The following EMILIN2 variants were observed in gnomAD, a reference collection of about 807,000 sequenced individuals.
EMILIN2 encodes the protein EMILIN-2.
A neutral mutation model predicts 87.1 loss-of-function variants in EMILIN2; 71 were observed. The ratio of observed to expected loss-of-function variants is 0.82; its 90% CI spans 0.67 to 0.99. The LOEUF is 0.99. EMILIN2 is among the 50% of genes least tolerant of loss of function. The pLI, the probability that EMILIN2 is intolerant of heterozygous loss-of-function variation, is 0.00. For synonymous variants in EMILIN2, 581 were observed against 563.4 expected, an observed-to-expected ratio of 1.03 and a Z score of -0.44; for missense variants, 1,407 against 1,371.8, an observed-to-expected ratio of 1.03 and a Z score of -0.40.
intron 2 of EMILIN2, among the ~76,000 whole-genome samples, chr18:2,850,960 T>C (rs973552145): frequency 3.3e-5 from 5 of 151,954 alleles, no homozygotes; most frequent in Non-Finnish European, 5.9e-5. Flanking sequence ...CAGGAAGCAA[T>C]TGTTTCTGCA....
At chr18:2,883,838 A>G (rs2076789186) in intron 2 of EMILIN2, among the ~76,000 whole-genome samples, 1 of 152,226 alleles carries the variant, frequency 6.6e-6, no homozygotes, top group Non-Finnish European at 1.5e-5. Context: ...GTGGACACAA[A>G]TAGTGTGAGC....
chr18:2,881,817 A>T (rs894666438), intron 2 of EMILIN2, among the ~76,000 whole-genome samples: 4 of 152,206 alleles, frequency 2.6e-5, no homozygotes, highest in African/African-American at 9.7e-5. Context: ...CAGCGCAATG[A>T]TGCTTTCTTC....
chr18:2,909,478 G>A (rs1367836406), intron 6 of EMILIN2, among the ~76,000 whole-genome samples: 1 of 152,216 alleles, frequency 6.6e-6, no homozygotes, highest in Non-Finnish European at 1.5e-5. Context: ...ACAAGAGTCT[G>A]TCCGGTTTCT....
rs756924895 is a variant in EMILIN2 at position 2,913,068 on chromosome 18, G to A, written c.2826G>A (p.Gly942=). ...CAGGGTTTGCCTTTCTCCCCGCAGGGGTCTTCACGGCTCCTTATGATGGGC... is the reference window on the plus strand; with the variant it reads ...CAGGGTTTGCCTTTCTCCCCGCAGGAGTCTTCACGGCTCCTTATGATGGGC... ...NDGDVYNPST[G]VFTAPYDGRY... Residue 942 remains glycine, a splice_region_variant and synonymous_variant, in exon 8 of 8, where the codon GGG becomes GGA. Coordinates refer to ENST00000254528, the MANE Select transcript of EMILIN2 (RefSeq NM_032048.3). 8.7e-6 allele frequency: 14 copies of A among 1,608,396 alleles called. No individual in the cohort carries two copies. Among genetic ancestry groups the A allele is most frequent in the South Asian group, 4.4e-5 (4 of 91,074 alleles).
chr18:2,909,367 C>T (rs569527177), intron 6 of EMILIN2, among the ~76,000 whole-genome samples: 1 of 152,330 alleles, frequency 6.6e-6, no homozygotes, highest in East Asian at 1.9e-4. Context: ...CCTGGCCTGG[C>T]CTCCTAATAT....
chr18:2,913,356 C>T lies in EMILIN2; in HGVS notation c.3114C>T (p.Tyr1038=), dbSNP rs192494471. The T allele has an allele frequency of 1.0e-4, 169 of 1,611,530 alleles. 1 individual carries two copies. In the African/African-American group the frequency reaches 2.0e-3, roughly 19 times the overall value. The part of the protein sequence containing the change: ...KLAHTDFDEM[Y]STFSGVFLYP... ...CTCACACAGACTTTGATGAAATGTACTCCACATTTAGTGGGGTTTTCTTAT... is the reference window on the plus strand; with the variant it reads ...CTCACACAGACTTTGATGAAATGTATTCCACATTTAGTGGGGTTTTCTTAT... Residue 1038 remains tyrosine (Y), a synonymous_variant, in exon 8 of 8, where the codon TAC becomes TAT. Coordinates refer to ENST00000254528, the MANE Select transcript of EMILIN2 (RefSeq NM_032048.3).
At position 2,847,053 on chromosome 18, in the gene EMILIN2, C is replaced by G; in HGVS notation, c.-136C>G. 1 of 1,071,992 alleles carries G rather than the reference C, an allele frequency of 9.3e-7. No individual in the cohort carries two copies. The highest frequency in any genetic ancestry group is 1.7e-5 in the African/African-American group (1 of 58,376). The allele number at this position is 1,071,992 out of a possible 1,614,324, so 66.4% of individuals were successfully genotyped here. On this transcript the variant is annotated 5_prime_UTR_variant, in exon 1 of 8. Transcript: ENST00000254528. The surrounding 1 kb of genome is among the most constrained non-coding windows in gnomAD (Gnocchi z 4.5). ...AGCCGGAGGGGGCGGCCGCGGAGCA[C>G]TGGTTGGAGCGCCGCGAAGCGCCCG...
intron 4 of EMILIN2, among the ~76,000 whole-genome samples, chr18:2,900,190 T>A (rs915080193): frequency 1.3e-5 from 2 of 152,090 alleles, no homozygotes; most frequent in East Asian, 3.9e-4. Context: ...ATTTATTTAT[T>A]TACTCATTTA....
chr18:2,906,409 T>G (rs985823328), intron 4 of EMILIN2: 2 of 165,692 alleles, frequency 1.2e-5, no homozygotes, highest in African/African-American at 4.8e-5. Flanking sequence ...TCAGAGACGG[T>G]GCGGGGGTCG....
chr18:2,890,634 G>C lies in EMILIN2; in HGVS notation c.507G>C (p.Gly169=). The change falls in exon 4 of 8, where the codon GGG becomes GGC. Residue 169 remains glycine, a synonymous_variant. Coordinates refer to ENST00000254528, the MANE Select transcript of EMILIN2 (RefSeq NM_032048.3). The surrounding 1 kb of genome is among the most constrained non-coding windows in gnomAD (Gnocchi z 4.7). ...SPTGTAQPSW[G]VDPKEGPQEL... ...CTGGTACAGCACAACCAAGCTGGGGGGTAGATCCAAAAGAGGGGCCTCAGG... is the reference window on the plus strand; with the variant it reads ...CTGGTACAGCACAACCAAGCTGGGGCGTAGATCCAAAAGAGGGGCCTCAGG... 6.2e-7 allele frequency: 1 copy of C among 1,613,768 alleles called. No homozygotes were observed. Among genetic ancestry groups the C allele is most frequent in the Non-Finnish European group, 8.5e-7 (1 of 1,179,686 alleles).
intron 2 of EMILIN2, among the ~76,000 whole-genome samples, chr18:2,870,422 G>C (rs912978339): frequency 6.6e-6 from 1 of 152,108 alleles, no homozygotes; most frequent in Non-Finnish European, 1.5e-5. Flanking sequence ...AAATATTTTT[G>C]TTCAAAGCCT....
chr18:2,910,172 T>G (rs895848959), intron 7 of EMILIN2, among the ~76,000 whole-genome samples: 3 of 138,834 alleles, frequency 2.2e-5, no homozygotes, highest in African/African-American at 7.6e-5. Flanking sequence ...ATAGCCACCA[T>G]TGCACCCCTC....
intron 3 of EMILIN2, among the ~76,000 whole-genome samples, chr18:2,889,334 C>T (rs375606632): frequency 5.6e-4 from 85 of 151,894 alleles, no homozygotes; most frequent in African/African-American, 1.8e-3. Context: ...GATGGGGTTA[C>T]GCCATGTTGG....
At position 2,891,353 on chromosome 18, in the gene EMILIN2, T is replaced by C; in HGVS notation, c.1226T>C (p.Ile409Thr). The change falls in exon 4 of 8, where the codon ATC (isoleucine) becomes ACC (threonine). Residue 409 changes from isoleucine to threonine, a missense_variant. Transcript: ENST00000254528. The surrounding 1 kb of genome is among the most constrained non-coding windows in gnomAD (Gnocchi z 4.6). ...AAGAATGGTGACATTGGTCAACAGA[T>C]CAAGACATTGGACCAGAAAATCGAG... The part of the protein sequence containing the change: ...SEKNGDIGQQ[I>T]KTLDQKIERV... 1 of 1,614,192 alleles carries C rather than the reference T, an allele frequency of 6.2e-7. No homozygotes were observed. Among genetic ancestry groups the C allele is most frequent in the East Asian group, 2.2e-5 (1 of 44,882 alleles).
intron 2 of EMILIN2, among the ~76,000 whole-genome samples, chr18:2,873,129 G>C (rs1282181208): frequency 6.6e-6 from 1 of 152,294 alleles, no homozygotes; most frequent in East Asian, 1.9e-4. Flanking sequence ...TACAGGCCGG[G>C]GCCGGGCATG....
At chr18:2,858,553 A>ATATATATGTGTGTGTGTGTGTG (rs1718360022) in intron 2 of EMILIN2, among the ~76,000 whole-genome samples, 1 of 50,054 alleles carries the variant, frequency 2.0e-5, no homozygotes, top group African/African-American at 1.4e-4. Flanking sequence ...ATATATATAT[A>ATATATATGTGTGTGTGTGTGTG]TATATATATA....
chr18:2,869,363 T>C (rs924304087), intron 2 of EMILIN2, among the ~76,000 whole-genome samples: 1 of 152,184 alleles, frequency 6.6e-6, no homozygotes. Flanking sequence ...TTTTGACATA[T>C]ATACCCGTGA....
chr18:2,847,760 TTC>T lies in EMILIN2; in HGVS notation c.135-46_135-45del. On this transcript the variant is annotated intron_variant, in intron 1 of 7. Coordinates refer to ENST00000254528, the MANE Select transcript of EMILIN2 (RefSeq NM_032048.3). This position sits in a 1 kb window ranked among gnomAD's most constrained non-coding sequence, Gnocchi z 4.5. Reference sequence around the variant, plus strand: ...AGTCCCCTCTCCCCTGGCCTCATTGTTCTCCGGGTTTACCCCGTGCCCCTCTC... The same window carrying T: ...AGTCCCCTCTCCCCTGGCCTCATTGTTCCGGGTTTACCCCGTGCCCCTCTC... 6.2e-7 allele frequency: 1 copy of T among 1,600,744 alleles called. No individual in the cohort carries two copies. Among genetic ancestry groups the T allele is most frequent in the Non-Finnish European group, 8.5e-7 (1 of 1,176,280 alleles).
In EMILIN2 at chr18:2,891,685, G is replaced by C. The variant is rs1292851506; in HGVS notation, c.1558G>C (p.Gly520Arg). The C allele has an allele frequency of 5.0e-6, 8 of 1,613,984 alleles. No homozygotes were observed. Among genetic ancestry groups the C allele is most frequent in the African/African-American group, 1.3e-5 (1 of 74,886 alleles). ...NNTGAELSPPGAAALPGVSGS... is the reference protein window; with the variant it reads ...NNTGAELSPPRAAALPGVSGS... ...CACTGGTGCAGAGCTCAGTCCCCCA[G>C]GGGCAGCAGCCCTGCCAGGAGTGTC... The change falls in exon 4 of 8, where the codon GGG (glycine) becomes CGG (arginine). Residue 520 changes from glycine to arginine, a missense_variant. Transcript: ENST00000254528. This position sits in a 1 kb window ranked among gnomAD's most constrained non-coding sequence, Gnocchi z 4.6.
Sources: allele counts gnomAD v4.1 joint callset (sites outside exome capture counted in the v4.1 genomes callset), GRCh38; gene constraint gnomAD v4.1.1; non-coding constraint Gnocchi (gnomAD v3.1); transcripts MANE v1.5; gene names NCBI Gene and HGNC (gene_info 2026-07-23, HGNC 2026-07-21).